The following LRP1B variants were observed in gnomAD, a reference collection of about 807,000 sequenced individuals.
LRP1B encodes the protein low-density lipoprotein receptor-related protein 1B.
In LRP1B, 217 loss-of-function variants were observed where a neutral mutation model predicts 556.6. That is an observed-to-expected ratio of 0.39 (90% confidence interval 0.35 to 0.44). The LOEUF (loss-of-function observed/expected upper bound fraction) is 0.44. Among genes scored for constraint, LRP1B ranks in the 20% least tolerant of loss-of-function variants. The pLI, the probability that LRP1B is intolerant of heterozygous loss-of-function variation, is 1.00. For synonymous variants in LRP1B, 2,047 were observed against 1,865.8 expected (o/e 1.10, Z -2.50); for missense variants, 5,053 against 5,620.8 (o/e 0.90, Z 3.23).
At chr2:141,617,303 T>C (rs113053779) in intron 2 of LRP1B, among the ~76,000 whole-genome samples, 9 of 152,246 alleles carry the variant, frequency 5.9e-5, no homozygotes, top group African/African-American at 2.2e-4. Flanking sequence ...AAAAATCAAG[T>C]CAATTGCTAT....
intron 63 of LRP1B, among the ~76,000 whole-genome samples, chr2:140,445,855 T>C (rs1686636242): frequency 6.6e-6 from 1 of 152,160 alleles, no homozygotes; most frequent in Non-Finnish European, 1.5e-5. Flanking sequence ...CACTTATCTT[T>C]TGACTAATGA....
chr2:141,031,930 A>G lies in LRP1B; in HGVS notation c.1790-11828T>C, dbSNP rs540295366. Among the ~76,000 whole-genome samples the G allele has an allele frequency of 1.3e-4, 20 of 152,152 alleles. No homozygotes were observed. The South Asian group carries it at 3.7e-3, about 28-fold the overall frequency. ...ACTAAAAACTAGATGCACCAAAAAA[A>G]AAACTTGTATTTACACGGTTACCTA... On this transcript the variant is annotated intron_variant, in intron 11 of 90. Coordinates refer to ENST00000389484, the MANE Select transcript of LRP1B (RefSeq NM_018557.3).
intron 3 of LRP1B, among the ~76,000 whole-genome samples, chr2:141,374,102 C>G (rs1275337104): frequency 6.6e-6 from 1 of 152,082 alleles, no homozygotes; most frequent in Admixed American, 6.5e-5. Context: ...ATTTCTTCTT[C>G]ATTTTTGCAG....
intron 20 of LRP1B, among the ~76,000 whole-genome samples, chr2:140,943,666 A>G: frequency 6.6e-6 from 1 of 152,166 alleles, no homozygotes; most frequent in East Asian, 1.9e-4. Context: ...CTTCTAAATG[A>G]CTAGTGTGTA....
At chr2:141,365,568 C>G (rs1159535423) in intron 3 of LRP1B, among the ~76,000 whole-genome samples, 1 of 150,392 alleles carries the variant, frequency 6.6e-6, no homozygotes, top group African/African-American at 2.4e-5. Flanking sequence ...TTACATTTAC[C>G]TTTTATAGCT....
chr2:140,828,612 A>C lies in LRP1B; in HGVS notation c.5209+11379T>G, dbSNP rs1356564944. Among the ~76,000 whole-genome samples, 282 of 98,658 alleles carry C rather than the reference A, an allele frequency of 2.9e-3. No individual in the cohort carries two copies. In the East Asian group the frequency reaches 0.033, roughly 12 times the overall value. The allele number at this position is 98,658 out of a possible 152,430, so 64.7% of individuals were successfully genotyped here. ...CGACAGAGCGAGACTCCGTCTCAAA[A>C]AAAAAAAAAAAAAAAAAAATACAAA... On this transcript the variant is annotated intron_variant, in intron 31 of 90. Coordinates refer to ENST00000389484, the MANE Select transcript of LRP1B (RefSeq NM_018557.3).
chr2:141,069,976 C>G (rs1699591405), intron 7 of LRP1B, among the ~76,000 whole-genome samples: 1 of 140,394 alleles, frequency 7.1e-6, no homozygotes, highest in African/African-American at 2.7e-5. Context: ...ACAACAGTCC[C>G]CAGAGTGTGA....
At chr2:141,147,823 A>G (rs906992953) in intron 7 of LRP1B, among the ~76,000 whole-genome samples, 2 of 152,162 alleles carry the variant, frequency 1.3e-5, no homozygotes, top group African/African-American at 4.8e-5. Context: ...CATACACAAC[A>G]GTGGTCCCAT....
intron 1 of LRP1B, among the ~76,000 whole-genome samples, chr2:141,857,047 G>A (rs1698075268): frequency 6.6e-6 from 1 of 151,998 alleles, no homozygotes; most frequent in Non-Finnish European, 1.5e-5. Flanking sequence ...TTGTGGGACT[G>A]TCTTAGAAGC....
chr2:141,191,115 A>C (rs192040965), intron 6 of LRP1B, among the ~76,000 whole-genome samples: 1 of 151,946 alleles, frequency 6.6e-6, no homozygotes, highest in Non-Finnish European at 1.5e-5. Flanking sequence ...ATGCCCTATC[A>C]TGTTCTCTCC....
intron 25 of LRP1B, among the ~76,000 whole-genome samples, chr2:140,872,360 A>ATTTTTTTTTTTTTTTTTTTTTT (rs59469282): frequency 8.3e-5 from 5 of 60,496 alleles, no homozygotes; most frequent in African/African-American, 1.4e-4. Flanking sequence ...GTGTCACCTG[A>ATTTTTTTTTTTTTTTTTTTTTT]TTTTTTTTTT....
At chr2:142,032,264 G>A (rs1441467325) in intron 1 of LRP1B, among the ~76,000 whole-genome samples, 1 of 151,788 alleles carries the variant, frequency 6.6e-6, no homozygotes, top group African/African-American at 2.4e-5. Flanking sequence ...CTGTTTGAGT[G>A]TATGTGTTAA....
At chr2:141,299,516 T>C (rs1573772493) in intron 3 of LRP1B, among the ~76,000 whole-genome samples, 1 of 152,360 alleles carries the variant, frequency 6.6e-6, no homozygotes, top group East Asian at 1.9e-4. Flanking sequence ...ATTTAGATAG[T>C]TTCTTCTGTG....
intron 1 of LRP1B, among the ~76,000 whole-genome samples, chr2:142,029,806 T>C (rs1048403049): frequency 4.0e-5 from 6 of 151,890 alleles, no homozygotes; most frequent in South Asian, 2.1e-4. Context: ...AAATTCTTCA[T>C]GGTTTCTGGA....
At position 140,437,988 on chromosome 2, in the gene LRP1B, A is replaced by T. The variant is rs116881582; in HGVS notation, c.10414+4516T>A. On this transcript the variant is annotated intron_variant, in intron 66 of 90. Transcript: ENST00000389484. ...TTACATAACATGATACTTGTTATAT[A>T]ACAAGTGTATATGTGTGAAATATTT... Among the ~76,000 whole-genome samples the T allele has an allele frequency of 1.8e-3, 278 of 152,290 alleles. 5 individuals carry two copies. The East Asian group carries it at 0.045, about 25-fold the overall frequency.
At chr2:140,956,915 T>C (rs1695890717) in intron 18 of LRP1B, among the ~76,000 whole-genome samples, 1 of 151,702 alleles carries the variant, frequency 6.6e-6, no homozygotes, top group Non-Finnish European at 1.5e-5. Context: ...TTCAAGATAT[T>C]TAACTGAGAA....
Position 141,019,915 on chromosome 2 carries a change from T to C in LRP1B, c.1970+7A>G. Reference sequence around the variant, plus strand: ...TTCTTATATAAAGCTAGTCAAATATTGCATACCCATTAACTGGATCCACCA... The same window carrying C: ...TTCTTATATAAAGCTAGTCAAATATCGCATACCCATTAACTGGATCCACCA... On this transcript the variant is annotated splice_region_variant and intron_variant, in intron 12 of 90. Transcript: ENST00000389484. 1.3e-6 allele frequency: 2 copies of C among 1,559,456 alleles called. No homozygotes were observed. The highest frequency in any genetic ancestry group is 8.7e-7 in the Non-Finnish European group (1 of 1,150,774).
At chr2:140,802,176 G>T (rs1341406373) in intron 32 of LRP1B, among the ~76,000 whole-genome samples, 1 of 152,128 alleles carries the variant, frequency 6.6e-6, no homozygotes, top group Non-Finnish European at 1.5e-5. Flanking sequence ...GTCAATGGAA[G>T]GTTTCCATTC....
intron 1 of LRP1B, 59 bp downstream of exon 1, chr2:142,130,589 T>A: frequency 2.8e-6 from 4 of 1,413,584 alleles, no homozygotes; most frequent in Non-Finnish European, 3.9e-6. Flanking sequence ...TCTGCAAGCA[T>A]CGCCCAGCAG....
Sources: gnomAD v4.1 joint callset for allele counts (sites outside exome capture counted in the v4.1 genomes callset) on GRCh38, gnomAD v4.1.1 for gene constraint, MANE v1.5 for transcripts, NCBI Gene and HGNC (gene_info 2026-07-23, HGNC 2026-07-21) for gene names.